The following CCDC97 variants were observed in gnomAD, a reference collection of about 807,000 sequenced individuals.
The protein encoded by CCDC97 is coiled-coil domain containing 97.
A neutral mutation model predicts 33.9 loss-of-function variants in CCDC97; 27 were observed. The observed-to-expected ratio is 0.80, with a 90% confidence interval of 0.59 to 1.10. The LOEUF (loss-of-function observed/expected upper bound fraction) is 1.10. CCDC97 is among the 50% of genes least tolerant of loss of function. CCDC97 has a pLI of 0.00. For synonymous variants in CCDC97, 217 were observed against 194.0 expected (o/e 1.12, Z -0.99); for missense variants, 422 against 476.6 (o/e 0.89, Z 1.07).
At position 41,324,294 on chromosome 19, in the gene CCDC97, A is replaced by G. The variant is rs1340338433; in HGVS notation, c.*1579A>G. The G allele has an allele frequency of 6.6e-6, 1 of 152,244 alleles. No individual in the cohort carries two copies. The highest frequency in any genetic ancestry group is 2.4e-5 in the African/African-American group (1 of 41,450). 9.4% of individuals were successfully genotyped at this position (152,244 alleles called of 1,614,324 possible). On this transcript the variant is annotated 3_prime_UTR_variant, in exon 5 of 5. Transcript: ENST00000269967. ...CCCCATGAACTAGTGAAGTGGGTCAAAGGAGGCCTGGAAAGATGTTGCTTC... is the reference window on the plus strand; with the variant it reads ...CCCCATGAACTAGTGAAGTGGGTCAGAGGAGGCCTGGAAAGATGTTGCTTC...
rs1345615364 is a variant in CCDC97, at chr19:41,323,318, C to T, written c.*603C>T. 2 of 153,962 alleles carry T rather than the reference C, an allele frequency of 1.3e-5. No homozygotes were observed. Among genetic ancestry groups the T allele is most frequent in the Non-Finnish European group, 2.9e-5 (2 of 69,096 alleles). 9.5% of individuals were successfully genotyped at this position (153,962 alleles called of 1,614,324 possible). A position where few individuals can be genotyped will look rare whatever the true frequency, so the allele number is the denominator to read the frequency against. ...CCTCACTCTGGGCCTCTTCTTTCTA[C>T]TTGTACATTTCCACCTCTCTAGGCC... On this transcript the variant is annotated 3_prime_UTR_variant, in exon 5 of 5. Transcript: ENST00000269967.
At chr19:41,320,311 A>G (rs752782783) in intron 3 of CCDC97, 30 bp from the exon 4 acceptor site, 1 of 1,612,308 alleles carries the variant, frequency 6.2e-7, no homozygotes, top group African/African-American at 1.3e-5. Context: ...GTGCACCCGC[A>G]TTCACACCCC....
intron 1 of CCDC97, among the ~76,000 whole-genome samples, chr19:41,313,445 T>A (rs1599871934): frequency 6.6e-6 from 1 of 152,276 alleles, no homozygotes; most frequent in East Asian, 1.9e-4. Flanking sequence ...ATTCGCTCAC[T>A]CATGATCCTG....
intron 1 of CCDC97, among the ~76,000 whole-genome samples, chr19:41,312,809 G>A (rs141749571): frequency 2.0e-5 from 3 of 151,750 alleles, no homozygotes; most frequent in South Asian, 2.1e-4. Flanking sequence ...TTTTTAAGAC[G>A]GAGTCTCGCT....
chr19:41,316,750 A>G lies in CCDC97; in HGVS notation c.413A>G (p.Glu138Gly). ...CACCGTGCAGACTTCTACTGTGCTG[A>G]GGTGGCCCGGCAGGGCACTGCCCGG... is the stretch of plus-strand genomic sequence containing the variant. ...GDHRADFYCA[E>G]VARQGTARPR... The change falls in exon 2 of 5, where the codon GAG becomes GGG. Residue 138 changes from glutamate (E) to glycine (G), a missense_variant. Coordinates refer to ENST00000269967, the MANE Select transcript of CCDC97 (RefSeq NM_052848.3). 1.2e-6 allele frequency: 2 copies of G among 1,613,238 alleles called. No individual in the cohort carries two copies. The highest frequency in any genetic ancestry group is 1.7e-6 in the Non-Finnish European group (2 of 1,179,604).
intron 1 of CCDC97, 54 bp from the exon 2 acceptor site, chr19:41,316,330 C>G: frequency 2.1e-6 from 3 of 1,413,962 alleles, no homozygotes; most frequent in East Asian, 2.4e-5. Context: ...GACTAAGCCC[C>G]CAGTCCCTTC....
chr19:41,313,354 G>A (rs570564518), intron 1 of CCDC97, among the ~76,000 whole-genome samples: 1 of 152,156 alleles, frequency 6.6e-6, no homozygotes, highest in East Asian at 1.9e-4. Flanking sequence ...AGCAGCAGTC[G>A]GACCATTCCC....
In CCDC97 at chr19:41,319,728, G is replaced by A. The variant is rs372944406; in HGVS notation, c.657G>A (p.Pro219=). 20 of 1,613,724 alleles carry A rather than the reference G, an allele frequency of 1.2e-5. No individual in the cohort carries two copies. Among genetic ancestry groups the A allele is most frequent in the Middle Eastern group, 1.6e-4 (1 of 6,076 alleles). The change falls in exon 3 of 5, where the codon CCG becomes CCA. Residue 219 remains proline, a synonymous_variant. Transcript: ENST00000269967. ...GGTCCCCCGGGAGACCTGCTTGCCC[G>A]CTCTCCAACTTGCTGCTCCAGTCCT... ...KPGSPGRPAC[P]LSNLLLQSYE... is the part of the protein sequence containing the mutation.
intron 1 of CCDC97, among the ~76,000 whole-genome samples, chr19:41,314,496 G>GTGAA: frequency 6.6e-6 from 1 of 152,382 alleles, no homozygotes; most frequent in Non-Finnish European, 1.5e-5. Context: ...GCATGAGAGA[G>GTGAA]TGAATGAATG....
chr19:41,316,792 CCCGCCTGCGTAA>C lies in CCDC97; in HGVS notation c.459_470del (p.Leu154_Arg157del), dbSNP rs1568469057. Reference sequence around the variant, plus strand: ...ACTGCCCGGCCCCGCACCCTGCGTACCCGCCTGCGTAACCGGCGCTATGCTGCCCTGCGAGAG... The same window carrying C: ...ACTGCCCGGCCCCGCACCCTGCGTACCCGGCGCTATGCTGCCCTGCGAGAG... On this transcript the variant is annotated inframe_deletion, in exon 2 of 5. Transcript: ENST00000269967. 2 of 1,603,142 alleles carry C rather than the reference CCCGCCTGCGTAA, an allele frequency of 1.2e-6. No individual in the cohort carries two copies. Among genetic ancestry groups the C allele is most frequent in the Non-Finnish European group, 1.7e-6 (2 of 1,171,654 alleles).
At chr19:41,317,087 T>G (rs1259376167) in intron 2 of CCDC97, among the ~76,000 whole-genome samples, 1 of 152,106 alleles carries the variant, frequency 6.6e-6, no homozygotes, top group Non-Finnish European at 1.5e-5. Context: ...ATGTTAGAAG[T>G]GGCATTTCAG....
intron 2 of CCDC97, 29 bp from the exon 3 acceptor site, chr19:41,319,545 C>A: frequency 6.5e-7 from 1 of 1,528,442 alleles, no homozygotes; most frequent in Non-Finnish European, 8.9e-7. Flanking sequence ...TCGCTCACCC[C>A]ATGCCCACCC....
At position 41,316,699 on chromosome 19, in the gene CCDC97, C is replaced by T. The variant is rs2037751799; in HGVS notation, c.362C>T (p.Ala121Val). Reference sequence around the variant, plus strand: ...ACAGGCCTCCGTGAGGAGCATCTGGCCTGCTTTGGCCACGTGCGTGGCGAC... The same window carrying T: ...ACAGGCCTCCGTGAGGAGCATCTGGTCTGCTTTGGCCACGTGCGTGGCGAC... ...FRTGLREEHL[A>V]CFGHVRGDHR... Residue 121 changes from alanine to valine, a missense_variant, in exon 2 of 5, where the codon GCC becomes GTC. Ala to Val is a moderately conservative substitution (Grantham distance 64). Transcript: ENST00000269967. 1 of 1,613,990 alleles carries T rather than the reference C, an allele frequency of 6.2e-7. No homozygotes were observed. The highest frequency in any genetic ancestry group is 1.3e-5 in the African/African-American group (1 of 74,948).
intron 3 of CCDC97, 65 bp downstream of exon 3, chr19:41,319,917 A>G (rs902869042): frequency 1.3e-6 from 1 of 768,394 alleles, no homozygotes; most frequent in Non-Finnish European, 2.1e-6. Context: ...GTCTGTCTCC[A>G]CTTCATGGCA....
intron 1 of CCDC97, among the ~76,000 whole-genome samples, chr19:41,315,911 T>G (rs2037740572): frequency 6.6e-6 from 1 of 152,106 alleles, no homozygotes; most frequent in Non-Finnish European, 1.5e-5. Flanking sequence ...CTGAGTAACA[T>G]GTCAATACCC....
In CCDC97 at chr19:41,324,542, T is replaced by C. The variant is rs2037862556; in HGVS notation, c.*1827T>C. On this transcript the variant is annotated 3_prime_UTR_variant, in exon 5 of 5. Coordinates refer to ENST00000269967, the MANE Select transcript of CCDC97 (RefSeq NM_052848.3). ...CTAACAAGGGCTCCGTGCTAGCCAC[T>C]GTCCCGCACACAGACAGGATCAGGT... The C allele has an allele frequency of 6.6e-6, 1 of 152,404 alleles. No homozygotes were observed. Among genetic ancestry groups the C allele is most frequent in the Non-Finnish European group, 1.5e-5 (1 of 68,066 alleles). The allele number at this position is 152,404 out of a possible 1,614,324, so 9.4% of individuals were successfully genotyped here. A position where few individuals can be genotyped will look rare whatever the true frequency, so the allele number is the denominator to read the frequency against.
Position 41,322,727 on chromosome 19 carries a change from C to G in CCDC97, c.*12C>G, listed in dbSNP as rs1233048213. 22 of 1,611,210 alleles carry G rather than the reference C, an allele frequency of 1.4e-5. No individual in the cohort carries two copies. Among genetic ancestry groups the G allele is most frequent in the Non-Finnish European group, 1.9e-5 (22 of 1,178,488 alleles). On this transcript the variant is annotated 3_prime_UTR_variant, in exon 5 of 5. Coordinates refer to ENST00000269967, the MANE Select transcript of CCDC97 (RefSeq NM_052848.3). ...TGGATGGGGACTGATGGCCGCCACCCTTCCCACCGCCTGCCCCATCCCCAT... is the reference window on the plus strand; with the variant it reads ...TGGATGGGGACTGATGGCCGCCACCGTTCCCACCGCCTGCCCCATCCCCAT...
rs1161064636 is a variant in CCDC97, at chr19:41,316,600, CAG to C, written c.266_267del (p.Glu89AlafsTer2). ...CAGCAGCAGGGTGAACCCGACTTGA[CAG>C]AGCATGAGAAAGTGGCCATCCTGGC... On this transcript the variant is annotated frameshift_variant, in exon 2 of 5. Transcript: ENST00000269967. LOFTEE classifies it high-confidence loss of function. The C allele has an allele frequency of 6.2e-7, 1 of 1,614,242 alleles. No homozygotes were observed. Among genetic ancestry groups the C allele is most frequent in the African/African-American group, 1.3e-5 (1 of 75,068 alleles).
At chr19:41,314,679 C>G (rs528608664) in intron 1 of CCDC97, among the ~76,000 whole-genome samples, 1 of 152,280 alleles carries the variant, frequency 6.6e-6, no homozygotes, top group East Asian at 1.9e-4. Context: ...ACTTTTTTGG[C>G]AAAGCCTTCT....
Sources: gnomAD v4.1 joint callset for allele counts (sites outside exome capture counted in the v4.1 genomes callset) on GRCh38, gnomAD v4.1.1 for gene constraint, MANE v1.5 for transcripts, NCBI Gene and HGNC (gene_info 2026-07-23, HGNC 2026-07-21) for gene names.